NKAIN1: variants seen among roughly 807,000 people sequenced by gnomAD.
The protein encoded by NKAIN1 is sodium/potassium-transporting ATPase subunit beta-1-interacting protein 1.
NKAIN1 carries 13 observed loss-of-function variants against 31.6 expected under a neutral mutation model. That is an observed-to-expected ratio of 0.41 (90% CI 0.27 to 0.65). The LOEUF is 0.65. Ranked by LOEUF, NKAIN1 falls within the 30% of genes least tolerant of loss-of-function variation. The probability of loss-of-function intolerance (pLI) is 0.30; values close to 1 mark genes in which losing one functional copy is unlikely to be tolerated. For missense variants in NKAIN1, 193 were observed against 262.2 expected (o/e 0.74, Z 1.82); for synonymous variants, 104 against 109.0 (o/e 0.95, Z 0.28).
intron 1 of NKAIN1, among the ~76,000 whole-genome samples, chr1:31,192,732 G>A (rs1197972227): frequency 6.6e-6 from 1 of 151,794 alleles, no homozygotes; most frequent in African/African-American, 2.4e-5. Flanking sequence ...TGTATTTTTT[G>A]TAGAGAACAG....
At chr1:31,220,164 C>T (rs1267087214) in intron 1 of NKAIN1, among the ~76,000 whole-genome samples, 6 of 137,152 alleles carry the variant, frequency 4.4e-5, no homozygotes, top group Non-Finnish European at 9.2e-5. Context: ...TGTGCCACCA[C>T]GCCCAGCTAA....
chr1:31,237,647 G>A (rs1207560484), intron 1 of NKAIN1, among the ~76,000 whole-genome samples: 2 of 151,758 alleles, frequency 1.3e-5, no homozygotes, highest in East Asian at 1.9e-4. Flanking sequence ...TTACAGATGC[G>A]TGCCACCACC....
At chr1:31,237,502 CT>C (rs5773347) in intron 1 of NKAIN1, among the ~76,000 whole-genome samples, 78,227 of 143,984 alleles carry the variant, frequency 0.54, 21,187 homozygotes, top group Non-Finnish European at 0.62. Flanking sequence ...GAGAAGAAAA[CT>C]TTTTTTTTTT....
intron 1 of NKAIN1, among the ~76,000 whole-genome samples, chr1:31,228,889 C>A (rs1569584102): frequency 6.6e-6 from 1 of 152,142 alleles, no homozygotes; most frequent in Non-Finnish European, 1.5e-5. Flanking sequence ...AGCCACCAGG[C>A]CTGGCCACAC....
rs958613673 is a variant in NKAIN1 at position 31,202,116 on chromosome 1, G to A, written c.55-13929C>T. ...GATTGGGCCAGCCCTGGTCTTGTCA[G>A]GAGGCAGCAGCAGGCTCCTGGCCTC... On this transcript the variant is annotated intron_variant, in intron 1 of 6. Coordinates refer to ENST00000373736, the MANE Select transcript of NKAIN1 (RefSeq NM_024522.3). Among the ~76,000 whole-genome samples the A allele has an allele frequency of 2.6e-5, 4 of 152,268 alleles. No homozygotes were observed. In the East Asian group the frequency reaches 7.8e-4, roughly 30 times the overall value.
chr1:31,200,921 C>T (rs113202790), intron 1 of NKAIN1, among the ~76,000 whole-genome samples: 11,597 of 151,904 alleles, frequency 0.076, 1,079 homozygotes, highest in African/African-American at 0.22. Context: ...GCAACCTCCG[C>T]CTCCCTGGTT....
chr1:31,182,275 G>A (rs1023690599), intron 5 of NKAIN1, among the ~76,000 whole-genome samples: 1 of 152,084 alleles, frequency 6.6e-6, no homozygotes, highest in Admixed American at 6.5e-5. Flanking sequence ...CTCTAAACGG[G>A]ACAAGACCTC....
intron 1 of NKAIN1, among the ~76,000 whole-genome samples, chr1:31,205,724 G>A (rs1392337829): frequency 8.2e-5 from 12 of 145,656 alleles, no homozygotes; most frequent in Admixed American, 7.9e-4. Context: ...CCAGGTGTAA[G>A]CAATTCTCCT....
At chr1:31,227,701 G>A (rs1287286776) in intron 1 of NKAIN1, among the ~76,000 whole-genome samples, 1 of 152,192 alleles carries the variant, frequency 6.6e-6, no homozygotes, top group Non-Finnish European at 1.5e-5. Context: ...CTTTGAACCT[G>A]GTGTAGGCAG....
At chr1:31,196,331 G>A (rs1476840251) in intron 1 of NKAIN1, among the ~76,000 whole-genome samples, 2 of 152,006 alleles carry the variant, frequency 1.3e-5, no homozygotes, top group Non-Finnish European at 2.9e-5. Flanking sequence ...GGCTAACATG[G>A]TGAAACCCTG....
chr1:31,226,813 C>T (rs1194985945), intron 1 of NKAIN1, among the ~76,000 whole-genome samples: 5 of 150,416 alleles, frequency 3.3e-5, no homozygotes, highest in Admixed American at 6.6e-5. Context: ...CGTGAGCCAC[C>T]GCACCCGGCC....
chr1:31,218,284 G>A (rs1206170878), intron 1 of NKAIN1, among the ~76,000 whole-genome samples: 2 of 151,804 alleles, frequency 1.3e-5, no homozygotes, highest in Non-Finnish European at 2.9e-5. Context: ...GGATGGTCTC[G>A]ATCTCCTGAC....
At chr1:31,190,662 A>G (rs1158329092) in intron 1 of NKAIN1, among the ~76,000 whole-genome samples, 1 of 152,140 alleles carries the variant, frequency 6.6e-6, no homozygotes, top group African/African-American at 2.4e-5. Flanking sequence ...TCTTCCATGC[A>G]TGGAAGTCAC....
intron 1 of NKAIN1, among the ~76,000 whole-genome samples, chr1:31,197,661 C>T (rs1421677706): frequency 1.3e-5 from 2 of 150,494 alleles, no homozygotes; most frequent in Non-Finnish European, 2.9e-5. Context: ...ATTCTCCTGC[C>T]TCAGCCTCTG....
At chr1:31,221,219 T>C (rs974109728) in intron 1 of NKAIN1, among the ~76,000 whole-genome samples, 6 of 152,162 alleles carry the variant, frequency 3.9e-5, no homozygotes, top group African/African-American at 1.2e-4. Context: ...TTTAGGTCCA[T>C]GCAACCTGAG....
At chr1:31,208,072 G>A (rs1480871200) in intron 1 of NKAIN1, among the ~76,000 whole-genome samples, 2 of 152,102 alleles carry the variant, frequency 1.3e-5, no homozygotes. Context: ...CTGCACTACT[G>A]GAACTGGAAA....
chr1:31,188,242 G>T (rs994783173), intron 1 of NKAIN1, 55 bp from the exon 2 acceptor site: 8 of 1,536,828 alleles, frequency 5.2e-6, no homozygotes, highest in Non-Finnish European at 7.0e-6. Context: ...GAAGGACAGG[G>T]ATTCCTGCTT....
At chr1:31,185,831 A>G (rs6425715) in intron 2 of NKAIN1, among the ~76,000 whole-genome samples, 80,813 of 151,954 alleles carry the variant, frequency 0.53, 25,214 homozygotes, top group Middle Eastern at 0.77. Context: ...TTTCAGAAAC[A>G]TGTTCCAGGT....
At chr1:31,190,515 C>T (rs1645276987) in intron 1 of NKAIN1, among the ~76,000 whole-genome samples, 1 of 152,208 alleles carries the variant, frequency 6.6e-6, no homozygotes, top group Non-Finnish European at 1.5e-5. Context: ...TCTCAGCCAC[C>T]TGTCCCATCT....
Sources: gnomAD v4.1 joint callset for allele counts (sites outside exome capture counted in the v4.1 genomes callset) on GRCh38, gnomAD v4.1.1 for gene constraint, MANE v1.5 for transcripts, NCBI Gene and HGNC (gene_info 2026-07-23, HGNC 2026-07-21) for gene names.